SDK2: variants seen among roughly 807,000 people sequenced by gnomAD.
The protein encoded by SDK2 is protein sidekick-2.
SDK2 carries 105 observed loss-of-function variants against 253.9 expected under a neutral mutation model. The observed-to-expected ratio is 0.41, with a 90% CI of 0.35 to 0.49. SDK2 has a LOEUF of 0.49. Ranked by LOEUF, SDK2 falls within the 20% of genes least tolerant of loss-of-function variation. SDK2 has a pLI of 0.06. For synonymous variants in SDK2, 1,249 were observed against 1,234.9 expected (o/e 1.01, Z -0.24); for missense variants, 2,608 against 3,003.0 (o/e 0.87, Z 3.07).
At chr17:73,488,224 G>A (rs540598152) in intron 2 of SDK2, among the ~76,000 whole-genome samples, 31 of 152,276 alleles carry the variant, frequency 2.0e-4, no homozygotes, top group African/African-American at 7.5e-4. Context: ...CACCGTGTTA[G>A]CCAGGATGGT....
intron 1 of SDK2, among the ~76,000 whole-genome samples, chr17:73,544,843 C>T (rs2145826901): frequency 6.6e-6 from 1 of 152,310 alleles, no homozygotes; most frequent in East Asian, 1.9e-4. Context: ...CCAGGACCTG[C>T]TGTTCATCCA....
chr17:73,495,528 A>G (rs949179052), intron 2 of SDK2, among the ~76,000 whole-genome samples: 6 of 152,308 alleles, frequency 3.9e-5, no homozygotes, highest in Non-Finnish European at 8.8e-5. Context: ...CCTTCCTCCC[A>G]GGCAGCATAA....
At position 73,399,267 on chromosome 17, in the gene SDK2, G is replaced by A; in HGVS notation, c.2994C>T (p.Asn998=). 3 of 1,613,804 alleles carry A rather than the reference G, an allele frequency of 1.9e-6. No homozygotes were observed. Among genetic ancestry groups the A allele is most frequent in the Non-Finnish European group, 2.5e-6 (3 of 1,179,762 alleles). ...GGGGGCCGATGTTGGAAATGCCCAGGTTGGTGGGGGGCCCTGGGAGTTCTG... is the reference window on the plus strand; with the variant it reads ...GGGGGCCGATGTTGGAAATGCCCAGATTGGTGGGGGGCCCTGGGAGTTCTG... ...VPPELPGPPT[N]LGISNIGPRS... The change falls in exon 22 of 45, where the codon AAC becomes AAT. Residue 998 remains asparagine (N), a synonymous_variant. Coordinates refer to ENST00000392650, the MANE Select transcript of SDK2 (RefSeq NM_001144952.2).
intron 44 of SDK2, among the ~76,000 whole-genome samples, chr17:73,345,392 T>C (rs939236038): frequency 6.6e-6 from 1 of 152,174 alleles, no homozygotes; most frequent in African/African-American, 2.4e-5. Context: ...GGTTCCATAA[T>C]ATTTGAATGA....
Position 73,401,108 on chromosome 17 carries a change from G to A in SDK2, c.2883C>T (p.Leu961=), listed in dbSNP as rs778217970. The A allele has an allele frequency of 1.2e-5, 18 of 1,564,920 alleles. No individual in the cohort carries two copies. In the East Asian group the frequency reaches 1.4e-4, roughly 12 times the overall value. The change falls in exon 21 of 45, where the codon CTC becomes CTT. Residue 961 remains leucine (L), a synonymous_variant. Transcript: ENST00000392650. ...CGGCCACCTCGATGGTGTAGGTGGT[G>A]AGCGCGGTGAGGCCCGTGACACGGT... ...LEYRVTGLTA[L]TTYTIEVAAM... is the part of the protein sequence containing the mutation.
chr17:73,476,270 C>A (rs945311680), intron 2 of SDK2, among the ~76,000 whole-genome samples: 1 of 152,128 alleles, frequency 6.6e-6, no homozygotes, highest in Admixed American at 6.5e-5. Flanking sequence ...AATACACAAG[C>A]ACAAACGCAC....
At position 73,545,099 on chromosome 17, in the gene SDK2, G is replaced by GCGCACACACACACACACACACA. The variant is rs147498499; in HGVS notation, c.65-37503_65-37502insTGTGTGTGTGTGTGTGTGTGCG. 5.5e-5 allele frequency among the ~76,000 whole-genome samples: 8 copies of GCGCACACACACACACACACACA among 145,818 alleles called. No individual in the cohort carries two copies. The East Asian group carries it at 6.1e-4, about 11-fold the overall frequency. The stretch of plus-strand genomic sequence containing the variant: ...GCATTCTCATTGCGTGCACGTGCAC[G>GCGCACACACACACACACACACA]CACACACACACACACACACACACAC... On this transcript the variant is annotated intron_variant, in intron 1 of 44. Coordinates refer to ENST00000392650, the MANE Select transcript of SDK2 (RefSeq NM_001144952.2).
intron 1 of SDK2, among the ~76,000 whole-genome samples, chr17:73,548,836 G>T (rs372189386): frequency 1.3e-5 from 2 of 152,194 alleles, no homozygotes; most frequent in Non-Finnish European, 2.9e-5. Flanking sequence ...GCTATCCCAC[G>T]GAGGGCAGCT....
At chr17:73,483,541 ATATG>A (rs1309883290) in intron 2 of SDK2, among the ~76,000 whole-genome samples, 6 of 142,214 alleles carry the variant, frequency 4.2e-5, no homozygotes, top group Admixed American at 2.2e-4. Context: ...ATGTATGTAT[ATATG>A]TATGTATATG....
At chr17:73,356,000 G>A (rs1029014231) in intron 40 of SDK2, among the ~76,000 whole-genome samples, 3 of 152,184 alleles carry the variant, frequency 2.0e-5, no homozygotes, top group South Asian at 4.1e-4. Flanking sequence ...CTGGGTCTAC[G>A]TGCTTTCCTT....
intron 1 of SDK2, among the ~76,000 whole-genome samples, chr17:73,569,509 T>C (rs1422411241): frequency 6.6e-6 from 1 of 151,924 alleles, no homozygotes; most frequent in African/African-American, 2.4e-5. Context: ...CATGTTATTT[T>C]GTATTCGTGC....
Position 73,483,676 on chromosome 17 carries a change from TATATA to T in SDK2, c.225-11463_225-11459del, listed in dbSNP as rs2063748528. Among the ~76,000 whole-genome samples the T allele has an allele frequency of 1.0e-4, 7 of 68,870 alleles. 1 individual carries two copies. The highest frequency in any genetic ancestry group is 3.5e-4 in the African/African-American group (5 of 14,360). 45.2% of individuals were successfully genotyped at this position (68,870 alleles called of 152,430 possible). On this transcript the variant is annotated intron_variant, in intron 2 of 44. Transcript: ENST00000392650. Reference sequence around the variant, plus strand: ...GTGTGTGTGTGTATATATATATATATATATATTTATATATATATATATATATATAT... The same window carrying T: ...GTGTGTGTGTGTATATATATATATATTTTATATATATATATATATATATAT...
chr17:73,538,969 T>C (rs9899094), intron 1 of SDK2, among the ~76,000 whole-genome samples: 89,225 of 152,020 alleles, frequency 0.59, 26,520 homozygotes, highest in African/African-American at 0.65. Flanking sequence ...CCACCAGCTG[T>C]CCTTCTGATC....
chr17:73,595,636 C>G (rs1265320158), intron 1 of SDK2, among the ~76,000 whole-genome samples: 3 of 152,180 alleles, frequency 2.0e-5, no homozygotes, highest in Non-Finnish European at 4.4e-5. Flanking sequence ...CCAGATGGCC[C>G]CAGCTGTTCA....
chr17:73,626,841 G>T (rs922828639), intron 1 of SDK2, among the ~76,000 whole-genome samples: 3 of 152,188 alleles, frequency 2.0e-5, no homozygotes, highest in Non-Finnish European at 4.4e-5. Context: ...ACCCCAGAGG[G>T]TTTCCTGATT....
intron 40 of SDK2, among the ~76,000 whole-genome samples, chr17:73,354,111 G>C (rs1237785902): frequency 6.6e-6 from 1 of 152,052 alleles, no homozygotes; most frequent in African/African-American, 2.4e-5. Context: ...GTGTGCTCTT[G>C]GCTCACTGCA....
chr17:73,472,302 C>A lies in SDK2; in HGVS notation c.225-84G>T, dbSNP rs935907396. On this transcript the variant is annotated intron_variant, in intron 2 of 44. Transcript: ENST00000392650. ...CAGATTGGGCTCAGAGGTCAGAGGT[C>A]GCCAGGTCACCCTCTTTTGGAATAA... 12 of 876,316 alleles carry A rather than the reference C, an allele frequency of 1.4e-5. No individual in the cohort carries two copies. The Admixed American group carries it at 2.3e-4, about 17-fold the overall frequency. 54.3% of individuals were successfully genotyped at this position (876,316 alleles called of 1,614,324 possible).
At chr17:73,363,060 A>C (rs949647856) in intron 38 of SDK2, among the ~76,000 whole-genome samples, 4 of 152,162 alleles carry the variant, frequency 2.6e-5, no homozygotes, top group Non-Finnish European at 5.9e-5. Context: ...TAGGTGCCTG[A>C]CCTATTTATT....
At chr17:73,354,732 C>T (rs1772492064) in intron 40 of SDK2, among the ~76,000 whole-genome samples, 1 of 141,828 alleles carries the variant, frequency 7.1e-6, no homozygotes, top group African/African-American at 2.6e-5. Context: ...CCTTAACTTC[C>T]CCTAGCCTGC....
Sources: gnomAD v4.1 joint callset for allele counts (sites outside exome capture counted in the v4.1 genomes callset) on GRCh38, gnomAD v4.1.1 for gene constraint, MANE v1.5 for transcripts, NCBI Gene and HGNC (gene_info 2026-07-23, HGNC 2026-07-21) for gene names.